The following CACNA2D1 variants were observed in gnomAD, a reference collection of about 807,000 sequenced individuals.
CACNA2D1 encodes the protein calcium voltage-gated channel auxiliary subunit alpha2delta 1.
In CACNA2D1, 53 loss-of-function variants were observed where a neutral mutation model predicts 171.5. The ratio of observed to expected loss-of-function variants is 0.31; its 90% CI spans 0.25 to 0.39. CACNA2D1 has a LOEUF of 0.39. Among genes scored for constraint, CACNA2D1 ranks in the 10% least tolerant of loss-of-function variants. CACNA2D1 has a pLI of 1.00. For synonymous variants in CACNA2D1, 442 were observed against 443.1 expected (o/e 1.00, Z 0.03); for missense variants, 903 against 1,299.8 (o/e 0.69, Z 4.69).
At chr7:82,175,337 T>G in intron 3 of CACNA2D1, among the ~76,000 whole-genome samples, 1 of 151,814 alleles carries the variant, frequency 6.6e-6, no homozygotes, top group Non-Finnish European at 1.5e-5. Context: ...AGATTTTCCT[T>G]TTTAATAAAA....
intron 7 of CACNA2D1, among the ~76,000 whole-genome samples, chr7:82,078,414 T>C (rs1809280910): frequency 6.6e-6 from 1 of 152,166 alleles, no homozygotes; most frequent in Non-Finnish European, 1.5e-5. Flanking sequence ...AAATGACCAG[T>C]TTGTACCTAT....
chr7:82,005,894 C>T, intron 16 of CACNA2D1, 55 bp from the exon 17 acceptor site: 2 of 971,262 alleles, frequency 2.1e-6, no homozygotes, highest in Non-Finnish European at 3.4e-6. Context: ...CGTATTTTTA[C>T]ACAATTATCA....
chr7:82,401,114 T>C (rs1826352918), intron 1 of CACNA2D1, among the ~76,000 whole-genome samples: 1 of 152,168 alleles, frequency 6.6e-6, no homozygotes, highest in Non-Finnish European at 1.5e-5. Context: ...GGTGGGACTG[T>C]AAACTAGTTC....
chr7:82,292,972 C>T, intron 3 of CACNA2D1, among the ~76,000 whole-genome samples: 1 of 151,790 alleles, frequency 6.6e-6, no homozygotes, highest in Non-Finnish European at 1.5e-5. Flanking sequence ...ATAATTTCTT[C>T]CCCTTGATTT....
chr7:82,390,357 T>C (rs191869053), intron 1 of CACNA2D1, among the ~76,000 whole-genome samples: 2 of 152,144 alleles, frequency 1.3e-5, no homozygotes, highest in African/African-American at 2.4e-5. Flanking sequence ...GCAATATGTA[T>C]AATTATGATA....
intron 3 of CACNA2D1, among the ~76,000 whole-genome samples, chr7:82,286,365 T>C (rs10225374): frequency 0.11 from 16,587 of 152,096 alleles, 2,960 homozygotes; most frequent in African/African-American, 0.37. Flanking sequence ...AACAGATTTA[T>C]AATCACTCGC....
chr7:82,141,530 G>T (rs1792387362), intron 4 of CACNA2D1, among the ~76,000 whole-genome samples: 1 of 152,040 alleles, frequency 6.6e-6, no homozygotes, highest in South Asian at 2.1e-4. Flanking sequence ...AACAATCGGG[G>T]GAGCCACACC....
At position 81,949,528 on chromosome 7, in the gene CACNA2D1, C is replaced by T. The variant is rs1792302075; in HGVS notation, c.*864G>A. 6.6e-6 allele frequency: 1 copy of T among 152,110 alleles called. No homozygotes were observed. Among genetic ancestry groups the T allele is most frequent in the Non-Finnish European group, 1.5e-5 (1 of 68,076 alleles). The allele number at this position is 152,110 out of a possible 1,614,324, so 9.4% of individuals were successfully genotyped here. On this transcript the variant is annotated 3_prime_UTR_variant, in exon 39 of 39. Coordinates refer to ENST00000356860, the MANE Select transcript of CACNA2D1 (RefSeq NM_000722.4). ...CCTTGGTAAACCAAAGTTCATTTAT[C>T]ACAAGAAAAACATTTCCCCCTCCCC... is the stretch of plus-strand genomic sequence containing the variant.
intron 5 of CACNA2D1, among the ~76,000 whole-genome samples, chr7:82,134,094 C>A (rs372379275): frequency 6.6e-6 from 1 of 151,480 alleles, no homozygotes; most frequent in African/African-American, 2.4e-5. Flanking sequence ...AAGAATTATG[C>A]AAATAAGTAA....
chr7:82,237,711 T>C (rs1238907483), intron 3 of CACNA2D1, among the ~76,000 whole-genome samples: 1 of 151,966 alleles, frequency 6.6e-6, no homozygotes, highest in African/African-American at 2.4e-5. Flanking sequence ...CTATAACCTA[T>C]AAGTAACTTA....
chr7:82,039,811 G>A (rs1335782690), intron 10 of CACNA2D1, among the ~76,000 whole-genome samples: 2 of 152,110 alleles, frequency 1.3e-5, no homozygotes, highest in African/African-American at 4.8e-5. Flanking sequence ...GACAAAAGAA[G>A]CCTTTTTAAG....
intron 4 of CACNA2D1, among the ~76,000 whole-genome samples, chr7:82,141,967 C>T (rs144538082): frequency 4.2e-4 from 64 of 152,172 alleles, no homozygotes; most frequent in African/African-American, 5.1e-4. Context: ...ATAGAGTAAT[C>T]TTGTTTCTCT....
intron 20 of CACNA2D1, among the ~76,000 whole-genome samples, chr7:81,994,437 A>C (rs180735281): frequency 2.0e-5 from 3 of 152,224 alleles, no homozygotes; most frequent in African/African-American, 7.2e-5. Flanking sequence ...TAAAAATAAA[A>C]ATAATTAATA....
intron 3 of CACNA2D1, among the ~76,000 whole-genome samples, chr7:82,309,730 T>A (rs1442741554): frequency 1.3e-5 from 2 of 152,160 alleles, no homozygotes; most frequent in Admixed American, 1.3e-4. Context: ...TGTGTGTCCA[T>A]GGCACGTGGC....
chr7:82,019,802 T>G (rs1235528968), intron 12 of CACNA2D1, among the ~76,000 whole-genome samples: 2 of 152,124 alleles, frequency 1.3e-5, no homozygotes, highest in East Asian at 3.9e-4. Context: ...ATAATGGAAA[T>G]TAGTCTATGA....
At chr7:82,348,040 C>A (rs1819439490) in intron 2 of CACNA2D1, among the ~76,000 whole-genome samples, 3 of 152,164 alleles carry the variant, frequency 2.0e-5, no homozygotes. Context: ...GCTGGGGAAG[C>A]ACTCACAGAG....
intron 3 of CACNA2D1, among the ~76,000 whole-genome samples, chr7:82,243,193 CT>C (rs1325671393): frequency 1.3e-5 from 2 of 152,150 alleles, no homozygotes; most frequent in Non-Finnish European, 2.9e-5. Flanking sequence ...CTAAACTCTT[CT>C]TTAACTTTTA....
chr7:82,299,088 T>C (rs1374610424), intron 3 of CACNA2D1, among the ~76,000 whole-genome samples: 1 of 138,648 alleles, frequency 7.2e-6, no homozygotes, highest in Non-Finnish European at 1.6e-5. Context: ...GTAAAAATAA[T>C]AGTAAATACC....
chr7:82,332,536 A>AAGAAAGAG (rs10610241), intron 3 of CACNA2D1, among the ~76,000 whole-genome samples: 1 of 78,232 alleles, frequency 1.3e-5, no homozygotes, highest in Non-Finnish European at 3.6e-5. Flanking sequence ...GAAAGAAAGA[A>AAGAAAGAG]AGAAAGAAAG....
Sources: gnomAD v4.1 joint callset for allele counts (sites outside exome capture counted in the v4.1 genomes callset) on GRCh38, gnomAD v4.1.1 for gene constraint, MANE v1.5 for transcripts, NCBI Gene and HGNC (gene_info 2026-07-23, HGNC 2026-07-21) for gene names.